Variants in DCC observed in about 807,000 individuals in gnomAD.
The protein encoded by DCC is netrin receptor DCC.
DCC carries 58 observed loss-of-function variants against 172.5 expected under a neutral mutation model. The ratio of observed to expected loss-of-function variants is 0.34; its 90% confidence interval spans 0.27 to 0.42. DCC has a LOEUF of 0.42. DCC is among the 10% of genes least tolerant of loss of function. The pLI is 1.00. For missense variants in DCC, 1,740 were observed against 1,791.0 expected (o/e 0.97, Z 0.51); for synonymous variants, 709 against 644.5 (o/e 1.10, Z -1.52).
At chr18:53,278,899 T>A (rs1037717352) in intron 12 of DCC, among the ~76,000 whole-genome samples, 4 of 152,184 alleles carry the variant, frequency 2.6e-5, no homozygotes, top group Non-Finnish European at 5.9e-5. Flanking sequence ...GTTGGAATTG[T>A]GACTTATAAT....
chr18:52,648,557 C>T (rs988780815), intron 1 of DCC, among the ~76,000 whole-genome samples: 1 of 152,158 alleles, frequency 6.6e-6, no homozygotes, highest in South Asian at 2.1e-4. Context: ...AGCACAATTA[C>T]AGGAGCCAGA....
intron 2 of DCC, among the ~76,000 whole-genome samples, chr18:52,787,136 GA>G (rs2037674717): frequency 6.6e-6 from 1 of 152,020 alleles, no homozygotes; most frequent in Admixed American, 6.6e-5. Flanking sequence ...ACAAGGATCA[GA>G]AATACTTCAA....
intron 1 of DCC, among the ~76,000 whole-genome samples, chr18:52,540,405 T>C (rs1452562122): frequency 1.3e-5 from 2 of 152,170 alleles, no homozygotes; most frequent in Admixed American, 6.5e-5. Context: ...CTAGCCCCAG[T>C]GACAGAGCAA....
intron 23 of DCC, among the ~76,000 whole-genome samples, chr18:53,455,543 T>C (rs1319988382): frequency 6.6e-6 from 1 of 152,210 alleles, no homozygotes; most frequent in Non-Finnish European, 1.5e-5. Context: ...AGAAGAAGCT[T>C]TCAGATAAAT....
chr18:52,656,076 A>ATGTG (rs1232149327), intron 1 of DCC, among the ~76,000 whole-genome samples: 6 of 138,760 alleles, frequency 4.3e-5, no homozygotes, highest in Non-Finnish European at 9.1e-5. Context: ...ATATGTGTAT[A>ATGTG]TATATGTGTG....
intron 2 of DCC, among the ~76,000 whole-genome samples, chr18:52,800,012 A>G (rs2037954256): frequency 6.6e-6 from 1 of 152,144 alleles, no homozygotes; most frequent in Non-Finnish European, 1.5e-5. Flanking sequence ...AAATTTTAAG[A>G]CGTAGTAGTT....
At chr18:53,050,372 G>GA (rs2042318607) in intron 5 of DCC, among the ~76,000 whole-genome samples, 4 of 152,160 alleles carry the variant, frequency 2.6e-5, no homozygotes, top group African/African-American at 9.6e-5. Flanking sequence ...GGGCAATATG[G>GA]CCATTTTAAT....
intron 7 of DCC, among the ~76,000 whole-genome samples, chr18:53,089,425 C>A (rs900480530): frequency 3.3e-5 from 5 of 152,042 alleles, no homozygotes; most frequent in Admixed American, 3.3e-4. Context: ...CTCTTTCATG[C>A]CTTGTGTCTA....
At chr18:52,621,843 A>C (rs2034486225) in intron 1 of DCC, among the ~76,000 whole-genome samples, 1 of 152,294 alleles carries the variant, frequency 6.6e-6, no homozygotes, top group Non-Finnish European at 1.5e-5. Flanking sequence ...AGAGGTACTG[A>C]TGCTTCATTT....
chr18:53,441,601 T>C (rs1021047487), intron 22 of DCC, among the ~76,000 whole-genome samples: 2 of 152,158 alleles, frequency 1.3e-5, no homozygotes, highest in African/African-American at 4.8e-5. Flanking sequence ...TCTCTCATTC[T>C]TTCCTCCCCC....
At chr18:53,041,241 G>C (rs1404120441) in intron 5 of DCC, among the ~76,000 whole-genome samples, 5 of 152,108 alleles carry the variant, frequency 3.3e-5, no homozygotes, top group African/African-American at 1.2e-4. Flanking sequence ...TGGCTAGCCA[G>C]TTTTCCCAAA....
chr18:53,067,792 C>T (rs1350497456), intron 7 of DCC, among the ~76,000 whole-genome samples: 1 of 152,186 alleles, frequency 6.6e-6, no homozygotes. Flanking sequence ...TTCCTTTTGA[C>T]ATGGCTCGCT....
intron 2 of DCC, among the ~76,000 whole-genome samples, chr18:52,872,411 GCGAAAGC>G (rs72215117): frequency 0.17 from 25,697 of 152,024 alleles, 2,347 homozygotes; most frequent in East Asian, 0.3. Context: ...GAAAGCCTCA[GCGAAAGC>G]CCAGCTCCAT....
chr18:52,593,024 G>A (rs549425983), intron 1 of DCC, among the ~76,000 whole-genome samples: 2 of 152,210 alleles, frequency 1.3e-5, no homozygotes, highest in South Asian at 4.2e-4. Flanking sequence ...TCATATCTAG[G>A]ATTGGCCCTT....
At chr18:53,357,454 C>A (rs1395144598) in intron 15 of DCC, among the ~76,000 whole-genome samples, 2 of 152,040 alleles carry the variant, frequency 1.3e-5, no homozygotes, top group African/African-American at 4.8e-5. Context: ...TTATGAAATG[C>A]AAACATTTAA....
intron 5 of DCC, among the ~76,000 whole-genome samples, chr18:53,053,636 C>T (rs187078674): frequency 1.5e-3 from 221 of 152,214 alleles, no homozygotes; most frequent in African/African-American, 4.6e-3. Context: ...ATTTATTCTA[C>T]GCTTTTAGAA....
chr18:52,774,339 A>G (rs1344556424), intron 2 of DCC, among the ~76,000 whole-genome samples: 5 of 152,156 alleles, frequency 3.3e-5, no homozygotes, highest in African/African-American at 9.7e-5. Flanking sequence ...GGCCGGCTGA[A>G]TGTTGAAGAC....
intron 1 of DCC, among the ~76,000 whole-genome samples, chr18:52,700,209 TGCACATGTGCACACAC>T: frequency 2.2e-5 from 1 of 44,666 alleles, no homozygotes; most frequent in East Asian, 5.6e-4. Context: ...CATACACACA[TGCACATGTGCACACAC>T]ATGCACACTC....
chr18:52,689,172 T>C (rs1363072901), intron 1 of DCC, among the ~76,000 whole-genome samples: 1 of 152,098 alleles, frequency 6.6e-6, no homozygotes, highest in Non-Finnish European at 1.5e-5. Context: ...AGCTTGGACC[T>C]GAAAGAAATT....
Sources: allele counts gnomAD v4.1 joint callset (sites outside exome capture counted in the v4.1 genomes callset), GRCh38; gene constraint gnomAD v4.1.1; transcripts MANE v1.5; gene names NCBI Gene and HGNC (gene_info 2026-07-23, HGNC 2026-07-21).